The following MARCHF8 variants were observed in gnomAD, a reference collection of about 807,000 sequenced individuals.
MARCHF8 encodes the protein membrane associated ring-CH-type finger 8, also known as E3 ubiquitin-protein ligase MARCHF8.
MARCHF8 carries 40 observed loss-of-function variants against 51.6 expected under a neutral mutation model. That is an observed-to-expected ratio of 0.77 (90% CI 0.60 to 1.01). The LOEUF is 1.01. Ranked by LOEUF, MARCHF8 falls within the 50% of genes least tolerant of loss-of-function variation. The pLI is 0.00. For missense variants in MARCHF8, 685 were observed against 708.6 expected, an observed-to-expected ratio of 0.97 and a Z score of 0.38; for synonymous variants, 263 against 280.3, an observed-to-expected ratio of 0.94 and a Z score of 0.62.
chr10:45,482,733 C>T (rs547966681), intron 3 of MARCHF8, among the ~76,000 whole-genome samples: 23 of 152,038 alleles, frequency 1.5e-4, no homozygotes, highest in African/African-American at 2.7e-4. Flanking sequence ...CCAGCCTGGG[C>T]GACAGAGCAA....
At chr10:45,503,627 C>T (rs1452794273) in intron 2 of MARCHF8, among the ~76,000 whole-genome samples, 1 of 151,580 alleles carries the variant, frequency 6.6e-6, no homozygotes, top group Non-Finnish European at 1.5e-5. Context: ...ATAGGAAACT[C>T]GTTTCATTGA....
At chr10:45,578,738 T>TA (rs71515367) in intron 1 of MARCHF8, among the ~76,000 whole-genome samples, 9,384 of 152,316 alleles carry the variant, frequency 0.062, 327 homozygotes, top group Non-Finnish European at 0.066. Flanking sequence ...TTGCTCCTAA[T>TA]ATGCTGCACT....
chr10:45,581,728 C>T (rs2044557527), intron 1 of MARCHF8, among the ~76,000 whole-genome samples: 2 of 152,132 alleles, frequency 1.3e-5, no homozygotes, highest in African/African-American at 4.8e-5. Flanking sequence ...TCAACAGGCC[C>T]TTCCTACTAG....
intron 1 of MARCHF8, among the ~76,000 whole-genome samples, chr10:45,571,987 C>T (rs888475258): frequency 3.9e-5 from 6 of 152,154 alleles, no homozygotes; most frequent in Admixed American, 3.9e-4. Flanking sequence ...TGTCTTATCA[C>T]CGCGGGGACG....
At chr10:45,585,488 A>G (rs2044608692) in intron 1 of MARCHF8, among the ~76,000 whole-genome samples, 1 of 152,226 alleles carries the variant, frequency 6.6e-6, no homozygotes, top group African/African-American at 2.4e-5. Flanking sequence ...GTTTACCCAC[A>G]ATACAATTCT....
intron 1 of MARCHF8, among the ~76,000 whole-genome samples, chr10:45,569,223 A>G (rs1346234724): frequency 2.0e-5 from 3 of 152,178 alleles, no homozygotes; most frequent in Admixed American, 2.0e-4. Flanking sequence ...GCAGTGTGAT[A>G]TTAGCTGTGA....
intron 3 of MARCHF8, among the ~76,000 whole-genome samples, chr10:45,465,820 G>A (rs552901906): frequency 6.6e-6 from 1 of 152,326 alleles, no homozygotes; most frequent in South Asian, 2.1e-4. Context: ...TTTTCTAACT[G>A]AATGTGCATA....
chr10:45,461,295 G>A lies in MARCHF8; in HGVS notation c.1205C>T (p.Thr402Met), dbSNP rs377230203. 4.3e-5 allele frequency: 69 copies of A among 1,604,124 alleles called. No homozygotes were observed. The highest frequency in any genetic ancestry group is 3.2e-4 in the East Asian group (14 of 43,720). The part of the protein sequence containing the change: ...CLQQWIKSSD[T>M]RCCELCKYEF... ...ATACTTGCAGAGCTCGCAGCAGCGC[G>A]TGTCGGAGCTCTTGATCCACTGCTG... is the stretch of plus-strand genomic sequence containing the variant. The change falls in exon 6 of 8, where the codon ACG becomes ATG. Residue 402 changes from threonine (T) to methionine (M), a missense_variant. By Grantham distance (81) the Thr-to-Met change is moderately conservative (BLOSUM62 -1). Coordinates refer to ENST00000453424, the MANE Select transcript of MARCHF8 (RefSeq NM_001282866.2).
At chr10:45,572,206 T>TG (rs911478512) in intron 1 of MARCHF8, among the ~76,000 whole-genome samples, 1 of 138,126 alleles carries the variant, frequency 7.2e-6, no homozygotes, top group African/African-American at 2.7e-5. Context: ...TCCACTTTCC[T>TG]GGGGGGCAAG....
rs576220794 is a variant in MARCHF8, at chr10:45,464,801, T to C, written c.154-474A>G. On this transcript the variant is annotated intron_variant, in intron 3 of 7. Coordinates refer to ENST00000453424, the MANE Select transcript of MARCHF8 (RefSeq NM_001282866.2). Reference sequence around the variant, plus strand: ...CTCATACATAGTGCCAGATGCTCCCTGAGTTCCACAAAACCTCACTGCCCT... The same window carrying C: ...CTCATACATAGTGCCAGATGCTCCCCGAGTTCCACAAAACCTCACTGCCCT... Among the ~76,000 whole-genome samples the C allele has an allele frequency of 5.9e-5, 9 of 152,292 alleles. No individual in the cohort carries two copies. The East Asian group carries it at 1.7e-3, about 29-fold the overall frequency.
At chr10:45,573,119 C>T (rs980904370) in intron 1 of MARCHF8, among the ~76,000 whole-genome samples, 9 of 152,118 alleles carry the variant, frequency 5.9e-5, no homozygotes, top group Non-Finnish European at 1.3e-4. Flanking sequence ...TATGAAAAAC[C>T]CAGCCCAGTT....
intron 2 of MARCHF8, among the ~76,000 whole-genome samples, chr10:45,511,699 T>G (rs1365745660): frequency 1.3e-5 from 2 of 152,198 alleles, no homozygotes; most frequent in Non-Finnish European, 2.9e-5. Context: ...CGGAGTCTGG[T>G]TCACTCAGTG....
Position 45,472,994 on chromosome 10 carries a change from A to G in MARCHF8, c.154-8667T>C, listed in dbSNP as rs114339394. ...CATTTTGCCTTATTTGTAACCCATA[A>G]GTTTTGAGTAACCTGAGCGTGTCAC... On this transcript the variant is annotated intron_variant, in intron 3 of 7. Coordinates refer to ENST00000453424, the MANE Select transcript of MARCHF8 (RefSeq NM_001282866.2). 6.8e-3 allele frequency among the ~76,000 whole-genome samples: 1,031 copies of G among 152,340 alleles called. 9 individuals are homozygous for G. Among genetic ancestry groups the G allele is most frequent in the African/African-American group, 0.024 (982 of 41,576 alleles).
At chr10:45,487,350 T>C (rs2042999620) in intron 3 of MARCHF8, among the ~76,000 whole-genome samples, 1 of 152,172 alleles carries the variant, frequency 6.6e-6, no homozygotes, top group South Asian at 2.1e-4. Flanking sequence ...AATCCATGAA[T>C]GAACAGGTAC....
At chr10:45,536,595 A>G (rs1050282913), upstream of MARCHF8, among the ~76,000 whole-genome samples, 2 of 151,920 alleles carry the variant, frequency 1.3e-5, no homozygotes, top group African/African-American at 4.8e-5. Context: ...AAATGTTAAA[A>G]AAAAAAAAGT....
chr10:45,509,916 A>C (rs1289288640), intron 2 of MARCHF8, among the ~76,000 whole-genome samples: 1 of 152,240 alleles, frequency 6.6e-6, no homozygotes, highest in African/African-American at 2.4e-5. Context: ...CGTGCAGCAG[A>C]GCAAACTTAA....
chr10:45,526,033 T>C (rs1248048326), intron 2 of MARCHF8, among the ~76,000 whole-genome samples: 2 of 151,870 alleles, frequency 1.3e-5, no homozygotes, highest in African/African-American at 4.8e-5. Context: ...TTTAAAACTA[T>C]AATGTATTCA....
chr10:45,501,001 CA>C (rs901165975), intron 2 of MARCHF8, among the ~76,000 whole-genome samples: 4 of 151,072 alleles, frequency 2.6e-5, no homozygotes, highest in Admixed American at 6.6e-5. Flanking sequence ...GCTGATGCTG[CA>C]AAAAAAATTG....
At chr10:45,584,054 G>A (rs2044586974) in intron 1 of MARCHF8, among the ~76,000 whole-genome samples, 1 of 130,354 alleles carries the variant, frequency 7.7e-6, no homozygotes, top group South Asian at 2.6e-4. Context: ...TCTACTTTTT[G>A]TAAGTCTATA....
Sources: gnomAD v4.1 joint callset for allele counts (sites outside exome capture counted in the v4.1 genomes callset) on GRCh38, gnomAD v4.1.1 for gene constraint, MANE v1.5 for transcripts, NCBI Gene and HGNC (gene_info 2026-07-23, HGNC 2026-07-21) for gene names.